RPA1: variants seen among roughly 807,000 people sequenced by gnomAD.
RPA1 encodes replication protein A1.
In RPA1, 49 loss-of-function variants were observed where a neutral mutation model predicts 83.0. The ratio of observed to expected loss-of-function variants is 0.59; its 90% CI spans 0.47 to 0.75. The LOEUF is 0.75. Among genes scored for constraint, RPA1 ranks in the 30% least tolerant of loss-of-function variants. The pLI is 0.00. For synonymous variants in RPA1, 279 were observed against 281.8 expected (o/e 0.99, Z 0.10); for missense variants, 693 against 776.1 (o/e 0.89, Z 1.27).
At chr17:1,853,210 T>G in intron 5 of RPA1, 21 bp downstream of exon 5, 1 of 1,573,016 alleles carries the variant, frequency 6.4e-7, no homozygotes, top group Non-Finnish European at 8.8e-7. Context: ...TTGGCGTAGG[T>G]TGTAGCACTC....
chr17:1,873,282 T>A (rs1913445407), intron 6 of RPA1, among the ~76,000 whole-genome samples: 1 of 152,206 alleles, frequency 6.6e-6, no homozygotes, highest in Non-Finnish European at 1.5e-5. Context: ...AGAAATGGTT[T>A]CTTCATTTAC....
intron 14 of RPA1, among the ~76,000 whole-genome samples, chr17:1,889,856 C>T (rs1914137210): frequency 2.0e-5 from 3 of 151,704 alleles, no homozygotes; most frequent in African/African-American, 2.4e-5. Flanking sequence ...AAAAATTAGC[C>T]GGGCGTGGTG....
At chr17:1,879,184 C>T (rs1246153591) in intron 9 of RPA1, 31 bp from the exon 10 acceptor site, 7 of 1,610,570 alleles carry the variant, frequency 4.3e-6, no homozygotes. Flanking sequence ...TGATGGTAGT[C>T]TCAGGTTCTG....
At chr17:1,894,169 T>A (rs1914305413) in intron 15 of RPA1, among the ~76,000 whole-genome samples, 1 of 142,336 alleles carries the variant, frequency 7.0e-6, no homozygotes, top group Non-Finnish European at 1.5e-5. Context: ...ATACCTGACC[T>A]CCTAATTTTT....
chr17:1,877,322 T>C lies in RPA1; in HGVS notation c.690+8T>C. The C allele has an allele frequency of 6.2e-7, 1 of 1,612,848 alleles. No individual in the cohort carries two copies. The highest frequency in any genetic ancestry group is 8.5e-7 in the Non-Finnish European group (1 of 1,179,298). The stretch of plus-strand genomic sequence containing the variant: ...GAACTGGTTGACGAAAGTGTGAGTG[T>C]TTGTCATGCTGGGGAGTGAGGGCAG... On this transcript the variant is annotated splice_region_variant and intron_variant, in intron 8 of 16. Coordinates refer to ENST00000254719, the MANE Select transcript of RPA1 (RefSeq NM_002945.5).
Position 1,884,957 on chromosome 17 carries a change from C to T in RPA1, c.1374+1013C>T, listed in dbSNP as rs1300534311. Among the ~76,000 whole-genome samples the T allele has an allele frequency of 6.6e-6, 1 of 152,188 alleles. No individual in the cohort carries two copies. Among genetic ancestry groups the T allele is most frequent in the South Asian group, 2.1e-4 (1 of 4,830 alleles). On this transcript the variant is annotated intron_variant, in intron 13 of 16. Coordinates refer to ENST00000254719, the MANE Select transcript of RPA1 (RefSeq NM_002945.5). The surrounding 1 kb of genome is among the most constrained non-coding windows in gnomAD (Gnocchi z 4.1). The stretch of plus-strand genomic sequence containing the variant: ...AGTCACGGCGATGGTTGCTGAACAT[C>T]GGCGTGTCTTTGGCAGTTTCTTAAA...
intron 16 of RPA1, among the ~76,000 whole-genome samples, chr17:1,895,589 A>G (rs935401672): frequency 1.3e-5 from 2 of 152,002 alleles, no homozygotes; most frequent in South Asian, 2.1e-4. Flanking sequence ...GTCAGTCAGT[A>G]TATGAAACAA....
At chr17:1,883,294 G>A (rs773931346) in intron 12 of RPA1, among the ~76,000 whole-genome samples, 14 of 152,246 alleles carry the variant, frequency 9.2e-5, no homozygotes, top group Non-Finnish European at 1.9e-4. Context: ...CTCCCGAGTA[G>A]CTGGGATTAC....
intron 16 of RPA1, among the ~76,000 whole-genome samples, chr17:1,895,579 G>A (rs1339996987): frequency 6.6e-6 from 1 of 151,682 alleles, no homozygotes; most frequent in African/African-American, 2.4e-5. Flanking sequence ...TTCTAAGTCA[G>A]TCAGTCAGTA....
intron 5 of RPA1, among the ~76,000 whole-genome samples, chr17:1,857,422 T>C (rs1912742347): frequency 1.3e-5 from 2 of 152,150 alleles, no homozygotes; most frequent in Admixed American, 6.5e-5. Flanking sequence ...TTTCTGGATC[T>C]TCCTCGTGTC....
chr17:1,854,242 A>G (rs1000516755), intron 5 of RPA1: 3 of 152,350 alleles, frequency 2.0e-5, no homozygotes, highest in Non-Finnish European at 2.9e-5. Context: ...CCCTTACACC[A>G]AGTCAAAACA....
chr17:1,835,895 G>A (rs1843168843), intron 1 of RPA1, among the ~76,000 whole-genome samples: 1 of 152,100 alleles, frequency 6.6e-6, no homozygotes, highest in African/African-American at 2.4e-5. Context: ...GGCTAATGCA[G>A]GAGGATCCCT....
At chr17:1,873,820 C>T (rs1952176893) in intron 6 of RPA1, among the ~76,000 whole-genome samples, 1 of 151,300 alleles carries the variant, frequency 6.6e-6, no homozygotes, top group African/African-American at 2.4e-5. Flanking sequence ...TGGTGAAAAC[C>T]CATCTCTACT....
At chr17:1,878,745 C>A (rs1265926263) in intron 8 of RPA1, among the ~76,000 whole-genome samples, 9 of 152,186 alleles carry the variant, frequency 5.9e-5, no homozygotes, top group Admixed American at 5.9e-4. Flanking sequence ...GCTAATGCAG[C>A]ATGATTATGG....
At chr17:1,842,683 G>T in intron 1 of RPA1, 120 bp from the exon 2 acceptor site, 1 of 783,770 alleles carries the variant, frequency 1.3e-6, no homozygotes, top group Non-Finnish European at 2.1e-6. Context: ...CAGCTGACAG[G>T]CTCTGAATAG....
At chr17:1,838,768 C>T (rs1192898273) in intron 1 of RPA1, among the ~76,000 whole-genome samples, 1 of 152,106 alleles carries the variant, frequency 6.6e-6, no homozygotes. Flanking sequence ...TTTTTAAATA[C>T]AGATATTCAG....
intron 3 of RPA1, 71 bp downstream of exon 3, chr17:1,844,069 G>C: frequency 7.1e-7 from 1 of 1,406,850 alleles, no homozygotes; most frequent in Non-Finnish European, 1.0e-6. Context: ...TCCTTTGGTT[G>C]CCATAATTTG....
intron 5 of RPA1, among the ~76,000 whole-genome samples, chr17:1,863,464 T>G (rs1196139725): frequency 1.3e-5 from 2 of 151,580 alleles, no homozygotes; most frequent in Non-Finnish European, 2.9e-5. Flanking sequence ...CCACCCACCT[T>G]GGCCTCCCAA....
In RPA1 at chr17:1,898,175, G is replaced by T. The variant is rs934709052; in HGVS notation, c.*1000G>T. 9 of 152,266 alleles carry T rather than the reference G, an allele frequency of 5.9e-5. No homozygotes were observed. The highest frequency in any genetic ancestry group is 1.5e-5 in the Non-Finnish European group (1 of 68,016). 9.4% of individuals were successfully genotyped at this position (152,266 alleles called of 1,614,324 possible). The stretch of plus-strand genomic sequence containing the variant: ...GGGGATGTTAACTCATTATAAACCC[G>T]AAGATTAGTCCAAGGCATGGAGATC... On this transcript the variant is annotated 3_prime_UTR_variant, in exon 17 of 17. Coordinates refer to ENST00000254719, the MANE Select transcript of RPA1 (RefSeq NM_002945.5).
Sources: gnomAD v4.1 joint callset for allele counts (sites outside exome capture counted in the v4.1 genomes callset) on GRCh38, gnomAD v4.1.1 for gene constraint, Gnocchi (gnomAD v3.1) non-coding constraint, MANE v1.5 for transcripts, NCBI Gene and HGNC (gene_info 2026-07-23, HGNC 2026-07-21) for gene names.